NPAS2: variants seen among roughly 807,000 people sequenced by gnomAD.
The protein encoded by NPAS2 is neuronal PAS domain-containing protein 2.
In NPAS2, 23 loss-of-function variants were observed where a neutral mutation model predicts 107.5. The observed-to-expected ratio is 0.21, with a 90% CI of 0.15 to 0.30. The LOEUF is 0.30. NPAS2 is among the 10% of genes least tolerant of loss of function. The pLI, the probability that NPAS2 is intolerant of heterozygous loss-of-function variation, is 1.00. For missense variants in NPAS2, 756 were observed against 1,043.3 expected, an observed-to-expected ratio of 0.72 and a Z score of 3.79; for synonymous variants, 403 against 417.5, an observed-to-expected ratio of 0.97 and a Z score of 0.42.
intron 1 of NPAS2, among the ~76,000 whole-genome samples, chr2:100,869,503 C>A (rs1679438349): frequency 6.6e-6 from 1 of 152,210 alleles, no homozygotes; most frequent in Non-Finnish European, 1.5e-5. Flanking sequence ...TCGAAATGAT[C>A]TCTTAAGGAT....
chr2:100,869,625 C>T (rs1044999759), intron 1 of NPAS2, among the ~76,000 whole-genome samples: 1 of 152,172 alleles, frequency 6.6e-6, no homozygotes, highest in Non-Finnish European at 1.5e-5. Flanking sequence ...AAGGCATGTT[C>T]CCTTCCTGTC....
At position 100,976,117 on chromosome 2, in the gene NPAS2, A is replaced by T. The variant is rs1198749546; in HGVS notation, c.1392+550A>T. ...GTGGCCTAAAGCAACCACATGTATGAAGTTCATGGAGTCTGGGTCAGGAAT... is the reference window on the plus strand; with the variant it reads ...GTGGCCTAAAGCAACCACATGTATGTAGTTCATGGAGTCTGGGTCAGGAAT... On this transcript the variant is annotated intron_variant, in intron 14 of 20. Coordinates refer to ENST00000335681, the MANE Select transcript of NPAS2 (RefSeq NM_002518.4). The surrounding 1 kb of genome is among the most constrained non-coding windows in gnomAD (Gnocchi z 4.1). Among the ~76,000 whole-genome samples the T allele has an allele frequency of 6.6e-6, 1 of 151,960 alleles. No homozygotes were observed. Among genetic ancestry groups the T allele is most frequent in the African/African-American group, 2.4e-5 (1 of 41,348 alleles).
At chr2:100,969,494 G>T (rs186705631) in intron 11 of NPAS2, among the ~76,000 whole-genome samples, 2 of 152,146 alleles carry the variant, frequency 1.3e-5, no homozygotes, top group African/African-American at 2.4e-5. Flanking sequence ...GAGGATGATG[G>T]CTTCCAGCTT....
chr2:100,959,089 C>CAAAAAAAAAA (rs758460503), intron 7 of NPAS2, among the ~76,000 whole-genome samples: 1 of 47,666 alleles, frequency 2.1e-5, no homozygotes, highest in African/African-American at 1.1e-4. Flanking sequence ...CCCATCTCTT[C>CAAAAAAAAAA]AAAAAAAAAA....
intron 2 of NPAS2, among the ~76,000 whole-genome samples, chr2:100,909,735 T>C (rs976784726): frequency 1.1e-4 from 12 of 113,120 alleles, no homozygotes; most frequent in Admixed American, 3.1e-4. Flanking sequence ...GGCTTCCTCT[T>C]TGTTTTTTTT....
At chr2:100,859,211 C>T (rs952498766) in intron 1 of NPAS2, among the ~76,000 whole-genome samples, 7 of 152,114 alleles carry the variant, frequency 4.6e-5, no homozygotes, top group South Asian at 4.1e-4. Flanking sequence ...TGCAGTGAGC[C>T]GAGATCATGC....
chr2:100,823,280 G>A (rs1676183235), intron 1 of NPAS2, among the ~76,000 whole-genome samples: 1 of 152,190 alleles, frequency 6.6e-6, no homozygotes, highest in Non-Finnish European at 1.5e-5. Flanking sequence ...TTTTAATGCA[G>A]TCTTTAAGGC....
intron 11 of NPAS2, among the ~76,000 whole-genome samples, chr2:100,970,146 G>A (rs1379765819): frequency 6.6e-6 from 1 of 152,180 alleles, no homozygotes. Context: ...CAGCAGCAGT[G>A]GTCTCTGACT....
intron 2 of NPAS2, among the ~76,000 whole-genome samples, chr2:100,912,137 G>T (rs1037029459): frequency 3.3e-5 from 5 of 152,268 alleles, no homozygotes; most frequent in Admixed American, 2.6e-4. Context: ...TACAACCTCA[G>T]TCGTAGGCAC....
At chr2:100,931,735 C>G (rs1221785371) in intron 3 of NPAS2, among the ~76,000 whole-genome samples, 1 of 152,074 alleles carries the variant, frequency 6.6e-6, no homozygotes, top group African/African-American at 2.4e-5. Context: ...CTGCCCATCT[C>G]GGCCTCCCAA....
chr2:100,835,480 C>CGGA (rs974918334), intron 1 of NPAS2, among the ~76,000 whole-genome samples: 1 of 152,132 alleles, frequency 6.6e-6, no homozygotes, highest in African/African-American at 2.4e-5. Context: ...CTCCACCCTT[C>CGGA]GGAGGAGGAG....
At chr2:100,992,003 G>A (rs1228685279) in intron 19 of NPAS2, among the ~76,000 whole-genome samples, 2 of 152,212 alleles carry the variant, frequency 1.3e-5, no homozygotes, top group African/African-American at 4.8e-5. Flanking sequence ...AGGGTAAGGA[G>A]GGACCTGCAG....
chr2:100,832,263 T>C (rs978315497), intron 1 of NPAS2, among the ~76,000 whole-genome samples: 1 of 152,162 alleles, frequency 6.6e-6, no homozygotes, highest in African/African-American at 2.4e-5. Flanking sequence ...CTCAGGAAAC[T>C]CACAGCACCC....
At chr2:100,938,785 C>T (rs1260299834) in intron 5 of NPAS2, among the ~76,000 whole-genome samples, 1 of 152,082 alleles carries the variant, frequency 6.6e-6, no homozygotes, top group Admixed American at 6.6e-5. Flanking sequence ...CTGCACACAG[C>T]ATCATTGTGA....
At chr2:100,908,514 TC>T (rs1682315985) in intron 2 of NPAS2, among the ~76,000 whole-genome samples, 1 of 152,114 alleles carries the variant, frequency 6.6e-6, no homozygotes, top group Non-Finnish European at 1.5e-5. Context: ...TCTGTGACAT[TC>T]AGTAAATGGA....
In NPAS2 at chr2:100,990,891, G is replaced by A. The variant is rs780116876; in HGVS notation, c.2111+19G>A. 1 of 1,606,186 alleles carries A rather than the reference G, an allele frequency of 6.2e-7. No homozygotes were observed. Among genetic ancestry groups the A allele is most frequent in the South Asian group, 1.1e-5 (1 of 90,870 alleles). ...AAGTCAAGTACGTGGACCCTGGCGG[G>A]AGGCAGGAGGCAAGCGCTGGTGGAA... On this transcript the variant is annotated intron_variant, in intron 19 of 20. Transcript: ENST00000335681.
chr2:100,988,365 G>A (rs900097112), intron 17 of NPAS2, 89 bp downstream of exon 17: 60 of 1,102,122 alleles, frequency 5.4e-5, no homozygotes, highest in Non-Finnish European at 7.4e-5. Flanking sequence ...TGCAGCCTAC[G>A]TGAACTGAGG....
intron 3 of NPAS2, among the ~76,000 whole-genome samples, chr2:100,932,266 T>C (rs1253385876): frequency 6.6e-6 from 1 of 152,258 alleles, no homozygotes; most frequent in African/African-American, 2.4e-5. Context: ...TGTAGGCCAA[T>C]GACTATTTGA....
In NPAS2 at chr2:100,855,961, G is replaced by A. The variant is rs1678528593; in HGVS notation, c.-23+35547G>A. ...TGGAGTCCGTACTGCCTTCTCCCAA[G>A]GACTCCTCTGAGAAATAACCCCTCG... On this transcript the variant is annotated intron_variant, in intron 1 of 20. Transcript: ENST00000335681. Among the ~76,000 whole-genome samples the A allele has an allele frequency of 2.0e-5, 3 of 152,228 alleles. No homozygotes were observed. In the South Asian group the frequency reaches 6.2e-4, roughly 32 times the overall value.
Sources: allele counts gnomAD v4.1 joint callset (sites outside exome capture counted in the v4.1 genomes callset), GRCh38; gene constraint gnomAD v4.1.1; non-coding constraint Gnocchi (gnomAD v3.1); transcripts MANE v1.5; gene names NCBI Gene and HGNC (gene_info 2026-07-23, HGNC 2026-07-21).